GRM8: variants seen among roughly 807,000 people sequenced by gnomAD.
GRM8 encodes the protein glutamate metabotropic receptor 8.
GRM8 carries 47 observed loss-of-function variants against 87.2 expected under a neutral mutation model. The ratio of observed to expected loss-of-function variants is 0.54; its 90% CI spans 0.43 to 0.69. GRM8 has a LOEUF of 0.69. Among genes scored for constraint, GRM8 ranks in the 30% least tolerant of loss-of-function variants. The pLI is 0.00. For synonymous variants in GRM8, 396 were observed against 404.5 expected (o/e 0.98, Z 0.25); for missense variants, 1,019 against 1,139.2 (o/e 0.89, Z 1.52).
At chr7:126,672,080 A>T (rs1044417662) in intron 7 of GRM8, among the ~76,000 whole-genome samples, 1 of 152,198 alleles carries the variant, frequency 6.6e-6, no homozygotes, top group African/African-American at 2.4e-5. Flanking sequence ...CTACCGATTA[A>T]ACCAACCCCA....
chr7:126,477,969 G>T (rs2150582131), intron 9 of GRM8, among the ~76,000 whole-genome samples: 1 of 152,154 alleles, frequency 6.6e-6, no homozygotes, highest in Non-Finnish European at 1.5e-5. Flanking sequence ...TTCCTTGGTT[G>T]GTGGCTGCAT....
At chr7:127,217,991 C>T (rs1385560098) in intron 2 of GRM8, among the ~76,000 whole-genome samples, 1 of 152,196 alleles carries the variant, frequency 6.6e-6, no homozygotes, top group East Asian at 1.9e-4. Context: ...GTGACTGGGT[C>T]CAACCATTTA....
intron 6 of GRM8, among the ~76,000 whole-genome samples, chr7:126,796,420 TGTG>T (rs1466134231): frequency 1.3e-5 from 2 of 152,158 alleles, no homozygotes; most frequent in African/African-American, 2.4e-5. Context: ...TTCTTTAAAA[TGTG>T]GTGTTTACCA....
intron 2 of GRM8, among the ~76,000 whole-genome samples, chr7:127,148,934 A>G (rs1828698835): frequency 6.6e-6 from 1 of 152,068 alleles, no homozygotes; most frequent in Admixed American, 6.6e-5. Context: ...CACAAAAATC[A>G]ACTCTAAATA....
At chr7:126,804,029 T>C (rs1342300840) in intron 6 of GRM8, among the ~76,000 whole-genome samples, 1 of 152,234 alleles carries the variant, frequency 6.6e-6, no homozygotes, top group Non-Finnish European at 1.5e-5. Flanking sequence ...TAACTTACCA[T>C]TGCTTGTACA....
chr7:126,988,459 A>C (rs1812329049), intron 3 of GRM8, among the ~76,000 whole-genome samples: 1 of 152,232 alleles, frequency 6.6e-6, no homozygotes. Flanking sequence ...AAGTCCTACT[A>C]ACTCTTGTAA....
intron 7 of GRM8, among the ~76,000 whole-genome samples, chr7:126,726,905 TATTA>T (rs1304069113): frequency 3.9e-5 from 6 of 152,246 alleles, no homozygotes; most frequent in African/African-American, 1.4e-4. Context: ...AGTAATGTGT[TATTA>T]TTTATAAAAA....
intron 3 of GRM8, among the ~76,000 whole-genome samples, chr7:127,028,713 A>ATCCT (rs1817055831): frequency 6.6e-6 from 1 of 151,422 alleles, no homozygotes; most frequent in Non-Finnish European, 1.5e-5. Context: ...CATCTATTTG[A>ATCCT]TCCTTCTTTC....
At chr7:126,467,331 T>C (rs941508131) in intron 9 of GRM8, among the ~76,000 whole-genome samples, 6 of 152,066 alleles carry the variant, frequency 3.9e-5, no homozygotes, top group Non-Finnish European at 7.4e-5. Context: ...ATGGCTTTAA[T>C]TCTTTAAGAC....
intron 3 of GRM8, among the ~76,000 whole-genome samples, chr7:126,970,363 C>T (rs1361430676): frequency 6.6e-6 from 1 of 152,234 alleles, no homozygotes; most frequent in Non-Finnish European, 1.5e-5. Context: ...ACTAAATCTC[C>T]TAGATAAGTT....
At position 126,441,721 on chromosome 7, in the gene GRM8, A is replaced by G. The variant is rs189601152; in HGVS notation, c.2678-2553T>C. 4.0e-4 allele frequency among the ~76,000 whole-genome samples: 61 copies of G among 152,210 alleles called. 2 individuals are homozygous for G. Among genetic ancestry groups the G allele is most frequent in the Middle Eastern group, 6.8e-3 (2 of 294 alleles). On this transcript the variant is annotated intron_variant, in intron 10 of 10. Coordinates refer to ENST00000339582, the MANE Select transcript of GRM8 (RefSeq NM_000845.3). ...AGACTCATTCCATCTTAGTGACACT[A>G]TTGATGGATTAGACAAGTTCTTACC...
At chr7:126,622,714 T>C (rs751735405) in intron 7 of GRM8, among the ~76,000 whole-genome samples, 4 of 152,200 alleles carry the variant, frequency 2.6e-5, no homozygotes, top group Admixed American at 1.3e-4. Context: ...TCAGTTCTAA[T>C]AGCTCTCAAG....
intron 6 of GRM8, among the ~76,000 whole-genome samples, chr7:126,787,468 A>T (rs1820739247): frequency 6.6e-6 from 1 of 152,164 alleles, no homozygotes. Context: ...TTTACCCTTA[A>T]AACAACTTGC....
chr7:126,456,143 A>G (rs764207305), intron 9 of GRM8, among the ~76,000 whole-genome samples: 13 of 151,666 alleles, frequency 8.6e-5, no homozygotes, highest in Non-Finnish European at 1.9e-4. Flanking sequence ...TCTGAGAATA[A>G]CTATAAAACA....
intron 2 of GRM8, among the ~76,000 whole-genome samples, chr7:127,208,400 C>T (rs1202506308): frequency 6.6e-6 from 1 of 152,172 alleles, no homozygotes; most frequent in Non-Finnish European, 1.5e-5. Flanking sequence ...TTAATAGCCT[C>T]TGCAAGAGGC....
chr7:126,880,207 T>C (rs1799899709), intron 6 of GRM8, among the ~76,000 whole-genome samples: 1 of 152,192 alleles, frequency 6.6e-6, no homozygotes, highest in Non-Finnish European at 1.5e-5. Context: ...TATAATCAGC[T>C]CATGTGCCTC....
intron 6 of GRM8, among the ~76,000 whole-genome samples, chr7:126,810,540 T>C (rs969577181): frequency 1.3e-5 from 2 of 152,134 alleles, no homozygotes; most frequent in Non-Finnish European, 2.9e-5. Context: ...CTTGACTTCA[T>C]GGTTCCTTAC....
chr7:126,693,146 A>T (rs142395558), intron 7 of GRM8, among the ~76,000 whole-genome samples: 257 of 152,286 alleles, frequency 1.7e-3, no homozygotes, highest in African/African-American at 6.0e-3. Context: ...GGAATAACAA[A>T]TGGCAAGACG....
At chr7:126,841,834 G>A (rs1434986018) in intron 6 of GRM8, among the ~76,000 whole-genome samples, 4 of 151,674 alleles carry the variant, frequency 2.6e-5, no homozygotes, top group Admixed American at 1.3e-4. Context: ...GGGTTTCACC[G>A]TGATAGCCAG....
Sources: gnomAD v4.1 joint callset for allele counts (sites outside exome capture counted in the v4.1 genomes callset) on GRCh38, gnomAD v4.1.1 for gene constraint, MANE v1.5 for transcripts, NCBI Gene and HGNC (gene_info 2026-07-23, HGNC 2026-07-21) for gene names.